Variants in IL1RAPL2 observed in about 807,000 individuals in gnomAD.
IL1RAPL2 encodes the protein interleukin 1 receptor accessory protein like 2.
IL1RAPL2 carries 3 observed loss-of-function variants against 44.1 expected under a neutral mutation model. The observed-to-expected ratio is 0.07, with a 90% CI of 0.03 to 0.18. IL1RAPL2 has a LOEUF of 0.18. Ranked by LOEUF, IL1RAPL2 falls within the 10% of genes least tolerant of loss-of-function variation. The pLI, the probability that IL1RAPL2 is intolerant of heterozygous loss-of-function variation, is 1.00. For synonymous variants in IL1RAPL2, 181 were observed against 178.8 expected (o/e 1.01, Z -0.10); for missense variants, 391 against 496.4 (o/e 0.79, Z 2.02).
At chrX:105,421,645 C>T (rs2035774746) in intron 5 of IL1RAPL2, among the ~76,000 whole-genome samples, 1 of 111,168 alleles carries the variant, frequency 9.0e-6, no homozygotes, top group African/African-American at 3.3e-5. Context: ...AAAACAACAA[C>T]AAACCAAAGG....
chrX:105,040,620 G>T (rs1258866940), intron 2 of IL1RAPL2, among the ~76,000 whole-genome samples: 3 of 110,305 alleles, frequency 2.7e-5, no homozygotes, highest in Non-Finnish European at 5.7e-5. Flanking sequence ...GAGAGTGTAT[G>T]TGTCAAGGAA....
At chrX:105,581,636 G>A (rs1023170513) in intron 6 of IL1RAPL2, among the ~76,000 whole-genome samples, 3 of 110,861 alleles carry the variant, frequency 2.7e-5, no homozygotes, top group African/African-American at 9.8e-5. Flanking sequence ...GATTATTATT[G>A]TAAATAAATT....
intron 2 of IL1RAPL2, among the ~76,000 whole-genome samples, chrX:104,953,546 C>A (rs1004992297): frequency 9.0e-6 from 1 of 111,270 alleles, no homozygotes; most frequent in Non-Finnish European, 1.9e-5. Flanking sequence ...AATTCATGCA[C>A]CCAGGCTCAG....
intron 1 of IL1RAPL2, among the ~76,000 whole-genome samples, chrX:104,657,145 G>A (rs1930282594): frequency 1.8e-5 from 2 of 111,292 alleles, no homozygotes; most frequent in African/African-American, 3.3e-5. Context: ...GCCAGTTGGT[G>A]TCTTTTAATT....
intron 6 of IL1RAPL2, among the ~76,000 whole-genome samples, chrX:105,644,263 A>G (rs1421722953): frequency 1.8e-5 from 2 of 111,447 alleles, no homozygotes; most frequent in Non-Finnish European, 3.8e-5. Flanking sequence ...GAGAAAATCA[A>G]TATTAAGGGT....
chrX:104,657,423 T>G (rs1325234477), intron 1 of IL1RAPL2, among the ~76,000 whole-genome samples: 2 of 111,508 alleles, frequency 1.8e-5, no homozygotes, highest in African/African-American at 6.5e-5. Flanking sequence ...TAGCCATATG[T>G]AGAAAGTTGA....
At chrX:105,405,683 A>G in intron 5 of IL1RAPL2, 2 of 1,026,407 alleles carry the variant, frequency 1.9e-6, no homozygotes, top group Non-Finnish European at 2.8e-6. Flanking sequence ...AGGCAGCCCT[A>G]AGAACGGAAA....
chrX:104,909,387 G>C (rs1341307523), intron 2 of IL1RAPL2, among the ~76,000 whole-genome samples: 1 of 112,133 alleles, frequency 8.9e-6, no homozygotes, highest in Non-Finnish European at 1.9e-5. Flanking sequence ...TTGCTGGTGA[G>C]GAATTGCGTT....
At chrX:105,363,453 G>A (rs1185604625) in intron 5 of IL1RAPL2, among the ~76,000 whole-genome samples, 1 of 105,088 alleles carries the variant, frequency 9.5e-6, no homozygotes, top group Non-Finnish European at 2.0e-5. Flanking sequence ...TTTTTTTGGA[G>A]GTATGCCCAG....
intron 7 of IL1RAPL2, among the ~76,000 whole-genome samples, chrX:105,736,224 A>G (rs2038447382): frequency 9.0e-6 from 1 of 111,631 alleles, no homozygotes; most frequent in Non-Finnish European, 1.9e-5. Context: ...TCAACTCAAG[A>G]TGAATTAAAT....
chrX:105,522,519 T>C (rs143902075), intron 6 of IL1RAPL2, among the ~76,000 whole-genome samples: 1,880 of 112,123 alleles, frequency 0.017, 38 homozygotes, highest in African/African-American at 0.057. Context: ...CCCAGCTTCT[T>C]TGATACTTTC....
At chrX:104,942,383 T>C (rs1925206153) in intron 2 of IL1RAPL2, among the ~76,000 whole-genome samples, 1 of 111,500 alleles carries the variant, frequency 9.0e-6, no homozygotes, top group African/African-American at 3.3e-5. Flanking sequence ...CCTTGATCAG[T>C]GGTTTGTAGT....
chrX:105,686,251 C>T (rs1468568933), intron 6 of IL1RAPL2, among the ~76,000 whole-genome samples: 1 of 108,760 alleles, frequency 9.2e-6, no homozygotes, highest in Non-Finnish European at 1.9e-5. Flanking sequence ...TAAAAGACAC[C>T]AACTGGCAAA....
intron 2 of IL1RAPL2, among the ~76,000 whole-genome samples, chrX:104,717,174 C>G (rs1033074044): frequency 2.7e-5 from 3 of 111,352 alleles, no homozygotes; most frequent in African/African-American, 9.8e-5. Flanking sequence ...GAACAGAAAA[C>G]CAAATATTGC....
chrX:105,622,942 G>C (rs2037430200), intron 6 of IL1RAPL2, among the ~76,000 whole-genome samples: 1 of 110,852 alleles, frequency 9.0e-6, no homozygotes, highest in African/African-American at 3.3e-5. Context: ...CCTCATGTGA[G>C]TCTGTTTTAA....
intron 2 of IL1RAPL2, among the ~76,000 whole-genome samples, chrX:104,715,434 AC>A (rs1931542762): frequency 9.5e-6 from 1 of 105,271 alleles, no homozygotes; most frequent in African/African-American, 3.5e-5. Context: ...AAAAAAAAAA[AC>A]CAGATCCTGG....
At chrX:104,689,117 T>C (rs1182623536) in intron 2 of IL1RAPL2, among the ~76,000 whole-genome samples, 1 of 111,806 alleles carries the variant, frequency 8.9e-6, no homozygotes, top group Non-Finnish European at 1.9e-5. Flanking sequence ...ACACGCTAAA[T>C]ATGTGTTGGT....
chrX:105,361,960 T>G (rs1354132378), intron 5 of IL1RAPL2, among the ~76,000 whole-genome samples: 1 of 111,693 alleles, frequency 9.0e-6, no homozygotes, highest in Non-Finnish European at 1.9e-5. Flanking sequence ...GGACGCTCTT[T>G]TGTATGATAC....
chrX:105,469,528 G>A (rs1423628783), intron 5 of IL1RAPL2, among the ~76,000 whole-genome samples: 1 of 110,011 alleles, frequency 9.1e-6, no homozygotes, highest in African/African-American at 3.3e-5. Context: ...AAGAGGCAGT[G>A]AGCCTATTGC....
Sources: gnomAD v4.1 joint callset for allele counts (sites outside exome capture counted in the v4.1 genomes callset) on GRCh38, gnomAD v4.1.1 for gene constraint, MANE v1.5 for transcripts, NCBI Gene and HGNC (gene_info 2026-07-23, HGNC 2026-07-21) for gene names.